ARHGAP21: variants seen among roughly 807,000 people sequenced by gnomAD.
ARHGAP21 encodes the protein Rho GTPase activating protein 21, also known as rho GTPase-activating protein 21.
ARHGAP21 carries 38 observed loss-of-function variants against 164.6 expected under a neutral mutation model. The ratio of observed to expected loss-of-function variants is 0.23; its 90% CI spans 0.18 to 0.30. The LOEUF is 0.30. ARHGAP21 is among the 10% of genes least tolerant of loss of function. The pLI is 1.00. For missense variants in ARHGAP21, 1,822 were observed against 2,370.7 expected (o/e 0.77, Z 4.81); for synonymous variants, 766 against 857.9 (o/e 0.89, Z 1.87).
chr10:24,713,079 C>T (rs971311975), intron 2 of ARHGAP21, among the ~76,000 whole-genome samples: 9 of 152,104 alleles, frequency 5.9e-5, no homozygotes, highest in African/African-American at 2.2e-4. Flanking sequence ...TTTGTATCTA[C>T]TGATATTCAA....
At chr10:24,694,609 C>T (rs1276166301) in intron 2 of ARHGAP21, among the ~76,000 whole-genome samples, 2 of 152,160 alleles carry the variant, frequency 1.3e-5, no homozygotes, top group South Asian at 2.1e-4. Context: ...TCCTATGTGG[C>T]TCCGCTGGCA....
At chr10:24,699,660 A>G (rs1279387113) in intron 2 of ARHGAP21, among the ~76,000 whole-genome samples, 1 of 152,002 alleles carries the variant, frequency 6.6e-6, no homozygotes, top group East Asian at 1.9e-4. Flanking sequence ...TGACTAGAAC[A>G]CTACATTATA....
chr10:24,635,508 C>A (rs988052670), intron 4 of ARHGAP21, among the ~76,000 whole-genome samples: 4 of 152,054 alleles, frequency 2.6e-5, no homozygotes, highest in African/African-American at 7.2e-5. Flanking sequence ...ATTACACAGG[C>A]GGTACTCACT....
chr10:24,663,509 C>T (rs1023878006), intron 4 of ARHGAP21, among the ~76,000 whole-genome samples: 3 of 152,046 alleles, frequency 2.0e-5, no homozygotes, highest in Non-Finnish European at 2.9e-5. Flanking sequence ...TATTAATATT[C>T]GGGACCAGGT....
Position 24,585,523 on chromosome 10 carries a change from G to A in ARHGAP21, c.4766C>T (p.Thr1589Ile). 1.2e-6 allele frequency: 2 copies of A among 1,614,220 alleles called. No individual in the cohort carries two copies. Among genetic ancestry groups the A allele is most frequent in the Non-Finnish European group, 8.5e-7 (1 of 1,180,052 alleles). ...AGTCAAGTATGTAGCAGACGATGTG[G>A]TGGAATAATCTGAGGTGATGGTGCT... is the stretch of plus-strand genomic sequence containing the variant. Reference protein sequence around the residue: ...NVSTITSDYSTTSSATYLTSL... With the variant: ...NVSTITSDYSITSSATYLTSL... The change falls in exon 26 of 26, where the codon ACC becomes ATC. Residue 1589 changes from threonine to isoleucine, a missense_variant. This residue lies in a region of ARHGAP21 where 333 missense variants were observed against 383.9 expected (regional missense o/e 0.87). Transcript: ENST00000396432.
chr10:24,607,653 T>C, intron 10 of ARHGAP21, 52 bp from the exon 11 acceptor site: 2 of 1,610,922 alleles, frequency 1.2e-6, no homozygotes, highest in Non-Finnish European at 1.7e-6. Flanking sequence ...GTTCCCAGAT[T>C]CTTTTAACGG....
chr10:24,686,913 G>A (rs1037722803), intron 2 of ARHGAP21, among the ~76,000 whole-genome samples: 2 of 152,138 alleles, frequency 1.3e-5, no homozygotes, highest in African/African-American at 4.8e-5. Flanking sequence ...AGCCAGGTGA[G>A]GTGACTCACA....
In ARHGAP21 at chr10:24,717,428, A is replaced by G. The variant is rs1845495235; in HGVS notation, c.63+4409T>C. 2.6e-5 allele frequency among the ~76,000 whole-genome samples: 4 copies of G among 152,310 alleles called. No individual in the cohort carries two copies. The South Asian group carries it at 8.3e-4, about 32-fold the overall frequency. On this transcript the variant is annotated intron_variant, in intron 2 of 25. Coordinates refer to ENST00000396432, the MANE Select transcript of ARHGAP21 (RefSeq NM_020824.4). The stretch of plus-strand genomic sequence containing the variant: ...GGATATAGATAAACTTGTAACTGGT[A>G]TTCCTGAAAGTGCAGGGTGTTTTGA...
At chr10:24,672,138 C>G (rs1034308212) in intron 2 of ARHGAP21, among the ~76,000 whole-genome samples, 2 of 152,044 alleles carry the variant, frequency 1.3e-5, no homozygotes, top group African/African-American at 4.8e-5. Context: ...GTTTCCAATT[C>G]TTTTCCTTCC....
In ARHGAP21 at chr10:24,620,314, C is replaced by T. The variant is rs751523225; in HGVS notation, c.1581G>A (p.Lys527=). Residue 527 remains lysine (K), a synonymous_variant, in exon 9 of 26, where the codon AAG becomes AAA. Transcript: ENST00000396432. The stretch of plus-strand genomic sequence containing the variant: ...CATCCTGTTCAGTAAACCCACTCCA[C>T]TTGTAAGTCTGTTTTTTCTCTCCAT... The part of the protein sequence containing the change: ...DSNGEKKQTY[K]WSGFTEQDDR... The T allele has an allele frequency of 5.0e-6, 8 of 1,613,970 alleles. No homozygotes were observed. The highest frequency in any genetic ancestry group is 1.7e-5 in the Admixed American group (1 of 60,000).
chr10:24,655,496 T>C (rs1398148048), intron 4 of ARHGAP21, among the ~76,000 whole-genome samples: 1 of 152,230 alleles, frequency 6.6e-6, no homozygotes, highest in Non-Finnish European at 1.5e-5. Flanking sequence ...AAGACATTTA[T>C]GCAGCCAACA....
intron 2 of ARHGAP21, among the ~76,000 whole-genome samples, chr10:24,679,446 C>T (rs1841567768): frequency 6.6e-6 from 1 of 152,186 alleles, no homozygotes; most frequent in Non-Finnish European, 1.5e-5. Flanking sequence ...AAAACCATCA[C>T]CTTGAGGGTT....
chr10:24,678,351 CAG>C (rs1430592853), intron 2 of ARHGAP21, among the ~76,000 whole-genome samples: 1 of 152,152 alleles, frequency 6.6e-6, no homozygotes, highest in African/African-American at 2.4e-5. Flanking sequence ...AGTCAAGATA[CAG>C]AAGTGTCGCA....
intron 2 of ARHGAP21, among the ~76,000 whole-genome samples, chr10:24,704,689 G>A (rs1331319987): frequency 2.6e-5 from 4 of 151,806 alleles, no homozygotes; most frequent in Non-Finnish European, 5.9e-5. Context: ...GGCTGGTCTC[G>A]AACTCCTGAG....
chr10:24,612,140 T>C (rs1199991524), intron 9 of ARHGAP21, among the ~76,000 whole-genome samples: 1 of 152,188 alleles, frequency 6.6e-6, no homozygotes, highest in Non-Finnish European at 1.5e-5. Flanking sequence ...TCAGTGAAAT[T>C]ATCAGAATTT....
Position 24,591,879 on chromosome 10 carries a change from G to T in ARHGAP21, c.4002+8C>A. ...GCATGAACTTACAGAGATGAAGCAT[G>T]AACTTACGTGCTGGATGAGCGTTTC... is the stretch of plus-strand genomic sequence containing the variant. On this transcript the variant is annotated splice_region_variant and intron_variant, in intron 22 of 25. Coordinates refer to ENST00000396432, the MANE Select transcript of ARHGAP21 (RefSeq NM_020824.4). 1.2e-6 allele frequency: 2 copies of T among 1,602,248 alleles called. No individual in the cohort carries two copies. The highest frequency in any genetic ancestry group is 2.2e-5 in the South Asian group (2 of 89,132).
At chr10:24,598,167 T>C (rs1220145769) in intron 14 of ARHGAP21, among the ~76,000 whole-genome samples, 158 bp from the exon 15 acceptor site, 1 of 152,198 alleles carries the variant, frequency 6.6e-6, no homozygotes, top group Non-Finnish European at 1.5e-5. Flanking sequence ...TCAACATCAC[T>C]GTGTGAAAGA....
chr10:24,635,136 T>G, intron 4 of ARHGAP21, 33 bp from the exon 5 acceptor site: 1 of 1,386,218 alleles, frequency 7.2e-7, no homozygotes, highest in Middle Eastern at 2.0e-4. Flanking sequence ...ATGATTTTAC[T>G]TCACAATACT....
chr10:24,671,808 G>T (rs967245912), intron 2 of ARHGAP21, among the ~76,000 whole-genome samples: 3 of 150,634 alleles, frequency 2.0e-5, no homozygotes, highest in Non-Finnish European at 3.0e-5. Flanking sequence ...CTGCAGACTG[G>T]ATCACAGGGG....
Sources: gnomAD v4.1 joint callset for allele counts (sites outside exome capture counted in the v4.1 genomes callset) on GRCh38, gnomAD v4.1.1 for gene constraint, gnomAD v4.1.1 regional missense constraint, MANE v1.5 for transcripts, NCBI Gene and HGNC (gene_info 2026-07-23, HGNC 2026-07-21) for gene names.